The following MAST4 variants were observed in gnomAD, a reference collection of about 807,000 sequenced individuals.
MAST4 encodes the protein microtubule associated serine/threonine kinase family member 4, also known as microtubule-associated serine/threonine-protein kinase 4.
MAST4 carries 89 observed loss-of-function variants against 162.7 expected under a neutral mutation model. The ratio of observed to expected loss-of-function variants is 0.55; its 90% CI spans 0.46 to 0.65. MAST4 has a LOEUF of 0.65. Ranked by LOEUF, MAST4 falls within the 30% of genes least tolerant of loss-of-function variation. The pLI is 0.00. For missense variants in MAST4, 3,153 were observed against 3,374.0 expected, an observed-to-expected ratio of 0.93 and a Z score of 1.62; for synonymous variants, 1,479 against 1,361.1, an observed-to-expected ratio of 1.09 and a Z score of -1.91.
At chr5:66,639,615 C>T (rs1291027042) in intron 1 of MAST4, among the ~76,000 whole-genome samples, 1 of 151,990 alleles carries the variant, frequency 6.6e-6, no homozygotes, top group Non-Finnish European at 1.5e-5. Context: ...TTTTAATAAT[C>T]ATATTGTTGA....
At chr5:67,118,553 C>A in intron 12 of MAST4, 129 bp from the exon 13 acceptor site, 1 of 613,384 alleles carries the variant, frequency 1.6e-6, no homozygotes, top group South Asian at 2.1e-5. Flanking sequence ...AAGATTTTCC[C>A]ATGGGCACAT....
In MAST4 at chr5:67,163,020, C is replaced by T; in HGVS notation, c.3968-127C>T. ...AGGTTTATCTGAAAAGTGTTTATTC[C>T]ACTAGCTAAATGCTGAGACAATTTG... is the stretch of plus-strand genomic sequence containing the variant. On this transcript the variant is annotated intron_variant, in intron 28 of 28. Transcript: ENST00000403625. This position sits in a 1 kb window ranked among gnomAD's most constrained non-coding sequence, Gnocchi z 7.0. 1 of 1,158,290 alleles carries T rather than the reference C, an allele frequency of 8.6e-7. No homozygotes were observed. Among genetic ancestry groups the T allele is most frequent in the Non-Finnish European group, 1.2e-6 (1 of 817,372 alleles). The allele number at this position is 1,158,290 out of a possible 1,614,324, so 71.8% of individuals were successfully genotyped here.
At chr5:66,724,992 AATT>A in intron 1 of MAST4, among the ~76,000 whole-genome samples, 1 of 151,970 alleles carries the variant, frequency 6.6e-6, no homozygotes, top group South Asian at 2.1e-4. Flanking sequence ...GAATGCTTAA[AATT>A]ATTATTTCCT....
chr5:67,129,975 A>G (rs1460501381), intron 14 of MAST4, among the ~76,000 whole-genome samples: 3 of 152,134 alleles, frequency 2.0e-5, no homozygotes, highest in Non-Finnish European at 4.4e-5. Flanking sequence ...GTGAAGATGA[A>G]TCTGATGCCT....
At chr5:67,116,978 G>A (rs1483977903) in intron 12 of MAST4, among the ~76,000 whole-genome samples, 6 of 152,198 alleles carry the variant, frequency 3.9e-5, no homozygotes, top group Non-Finnish European at 7.3e-5. Flanking sequence ...AGCACTGCAT[G>A]CTGTGTGAAC....
At chr5:66,791,294 G>C (rs1214653945) in intron 3 of MAST4, among the ~76,000 whole-genome samples, 1 of 152,194 alleles carries the variant, frequency 6.6e-6, no homozygotes, top group Non-Finnish European at 1.5e-5. Flanking sequence ...AAAGTGCTGG[G>C]ATTACAGGCA....
rs1489847377 is a variant in MAST4 at position 66,901,784 on chromosome 5, A to G, written c.674+1802A>G. On this transcript the variant is annotated intron_variant, in intron 4 of 28. Coordinates refer to ENST00000403625, the MANE Select transcript of MAST4 (RefSeq NM_001164664.2). Reference sequence around the variant, plus strand: ...TGCTATTTTGTATTTTCTATTAAGCACAAATATTCCCCAGAGAATTAATGA... The same window carrying G: ...TGCTATTTTGTATTTTCTATTAAGCGCAAATATTCCCCAGAGAATTAATGA... 2.0e-5 allele frequency among the ~76,000 whole-genome samples: 3 copies of G among 152,156 alleles called. No individual in the cohort carries two copies. The East Asian group carries it at 5.8e-4, about 29-fold the overall frequency.
intron 5 of MAST4, among the ~76,000 whole-genome samples, chr5:67,074,367 G>A (rs1377375374): frequency 6.6e-6 from 1 of 152,060 alleles, no homozygotes; most frequent in East Asian, 1.9e-4. Context: ...AATGGTTTTA[G>A]CGAGCAGCTT....
chr5:66,698,687 C>T (rs115725249), intron 1 of MAST4, among the ~76,000 whole-genome samples: 414 of 152,268 alleles, frequency 2.7e-3, no homozygotes, highest in Non-Finnish European at 3.7e-3. Flanking sequence ...CCTGGCATCT[C>T]CACTTGGATA....
chr5:66,705,089 T>C (rs1443968673), intron 1 of MAST4, among the ~76,000 whole-genome samples: 1 of 152,204 alleles, frequency 6.6e-6, no homozygotes, highest in African/African-American at 2.4e-5. Flanking sequence ...AGTTTTTGGA[T>C]GGAAATTCAT....
intron 3 of MAST4, among the ~76,000 whole-genome samples, chr5:66,822,254 GA>G: frequency 6.6e-6 from 1 of 152,156 alleles, no homozygotes; most frequent in Middle Eastern, 3.4e-3. Flanking sequence ...TTTCTTCCCA[GA>G]ACTGCTCAGA....
In MAST4 at chr5:67,096,751, C is replaced by T. The variant is rs114148100; in HGVS notation, c.912+1076C>T. Among the ~76,000 whole-genome samples the T allele has an allele frequency of 2.9e-3, 445 of 152,220 alleles. 2 individuals carry two copies. Among genetic ancestry groups the T allele is most frequent in the African/African-American group, 0.01 (429 of 41,542 alleles). ...AGCTGTTGGGTTATTTTTACCATCT[C>T]TTTATGGTATTTCATTGAGCAGAGG... On this transcript the variant is annotated intron_variant, in intron 7 of 28. Transcript: ENST00000403625.
chr5:67,069,296 A>ATATATG (rs1330015284), intron 5 of MAST4, among the ~76,000 whole-genome samples: 3 of 142,236 alleles, frequency 2.1e-5, no homozygotes, highest in Non-Finnish European at 4.6e-5. Context: ...GGATATATAT[A>ATATATG]TATATATATA....
Position 66,617,514 on chromosome 5 carries a change from G to T in MAST4, c.363+20496G>T, listed in dbSNP as rs149081474. 4.6e-3 allele frequency among the ~76,000 whole-genome samples: 704 copies of T among 151,772 alleles called. 10 individuals are homozygous for T. Among genetic ancestry groups the T allele is most frequent in the African/African-American group, 0.016 (648 of 41,378 alleles). ...TTTTAAAAGTTTCTCATGAATGGAC[G>T]TATCAATTTATTAACAGTTACTTTT... On this transcript the variant is annotated intron_variant, in intron 1 of 28. Transcript: ENST00000403625.
Position 66,889,068 on chromosome 5 carries a change from T to G in MAST4, c.643-10883T>G, listed in dbSNP as rs73765779. On this transcript the variant is annotated intron_variant, in intron 3 of 28. Coordinates refer to ENST00000403625, the MANE Select transcript of MAST4 (RefSeq NM_001164664.2). ...TTTAGAAGCTTATGAACATTGTAGC[T>G]TTTATTGATTCTAGGGAATTGGACC... Among the ~76,000 whole-genome samples the G allele has an allele frequency of 6.4e-3, 982 of 152,362 alleles. 9 individuals are homozygous for G. The highest frequency in any genetic ancestry group is 0.022 in the African/African-American group (922 of 41,584).
chr5:67,087,481 C>G (rs1763370640), intron 5 of MAST4, among the ~76,000 whole-genome samples: 1 of 152,122 alleles, frequency 6.6e-6, no homozygotes, highest in Non-Finnish European at 1.5e-5. Flanking sequence ...ATTGGCTTTC[C>G]CAGTCTGAAT....
At chr5:66,789,988 ATTTTTTTTTTTTTTTTT>A (rs57743987) in intron 3 of MAST4, among the ~76,000 whole-genome samples, 2 of 52,472 alleles carry the variant, frequency 3.8e-5, no homozygotes, top group Non-Finnish European at 6.1e-5. Context: ...GCTTATTAGA[ATTTTTTTTTTTTTTTTT>A]TTTTTTTTTT....
chr5:66,732,019 C>T (rs898587696), intron 1 of MAST4, among the ~76,000 whole-genome samples: 4 of 151,964 alleles, frequency 2.6e-5, no homozygotes, highest in Admixed American at 6.6e-5. Flanking sequence ...TCCTGTGATA[C>T]CAGTCCCACG....
chr5:66,921,779 A>T (rs555992159), intron 4 of MAST4, among the ~76,000 whole-genome samples: 3 of 152,140 alleles, frequency 2.0e-5, no homozygotes, highest in Admixed American at 2.0e-4. Context: ...ATGAATCAAG[A>T]TCAATGTTTT....
Sources: gnomAD v4.1 joint callset for allele counts (sites outside exome capture counted in the v4.1 genomes callset) on GRCh38, gnomAD v4.1.1 for gene constraint, Gnocchi (gnomAD v3.1) non-coding constraint, MANE v1.5 for transcripts, NCBI Gene and HGNC (gene_info 2026-07-23, HGNC 2026-07-21) for gene names.